Variants in C8orf34 observed in about 807,000 individuals in gnomAD.
C8orf34 encodes chromosome 8 open reading frame 34, also known as uncharacterized protein C8orf34.
Under a neutral mutation model 68.3 loss-of-function variants are expected in C8orf34, and 65 were observed. The observed-to-expected ratio is 0.95, with a 90% CI of 0.78 to 1.17. C8orf34 has a LOEUF of 1.17. C8orf34 is among the 50% of genes most tolerant of loss of function. C8orf34 has a pLI of 0.00. For missense variants in C8orf34, 664 were observed against 655.4 expected, an observed-to-expected ratio of 1.01 and a Z score of -0.14; for synonymous variants, 244 against 241.2, an observed-to-expected ratio of 1.01 and a Z score of -0.11.
chr8:68,473,919 C>G (rs1812487569), intron 4 of C8orf34, among the ~76,000 whole-genome samples: 1 of 152,170 alleles, frequency 6.6e-6, no homozygotes, highest in South Asian at 2.1e-4. Context: ...TGACTCCCTG[C>G]TCACCTCCTT....
intron 7 of C8orf34, among the ~76,000 whole-genome samples, chr8:68,616,149 T>G (rs562612278): frequency 6.6e-6 from 1 of 151,564 alleles, no homozygotes; most frequent in East Asian, 1.9e-4. Context: ...CCCTTTATTG[T>G]TTTTTATTGC....
chr8:68,461,454 T>C (rs987734191), intron 3 of C8orf34, among the ~76,000 whole-genome samples: 10 of 152,232 alleles, frequency 6.6e-5, no homozygotes, highest in Admixed American at 1.3e-4. Flanking sequence ...CACAAAGATA[T>C]TCCTCGAGAA....
At chr8:68,787,691 G>T in intron 12 of C8orf34, 155 bp downstream of exon 12, 3 of 492,788 alleles carry the variant, frequency 6.1e-6, no homozygotes, top group South Asian at 3.1e-5. Context: ...TATCCTTCAG[G>T]TCTATGTCTT....
chr8:68,621,564 G>T (rs1463059614), intron 7 of C8orf34, among the ~76,000 whole-genome samples: 4 of 152,142 alleles, frequency 2.6e-5, no homozygotes, highest in African/African-American at 9.6e-5. Context: ...TCATAAATTT[G>T]GCCAAATATT....
chr8:68,330,938 C>T (rs1971404), upstream of C8orf34: 489,742 of 1,168,590 alleles, frequency 0.42, 106,833 homozygotes, highest in Non-Finnish European at 0.44. Flanking sequence ...AAAGGAACCT[C>T]TGCCTCGAAT....
chr8:68,595,139 T>TAAAA (rs1223422860), intron 7 of C8orf34, among the ~76,000 whole-genome samples: 1 of 113,914 alleles, frequency 8.8e-6, no homozygotes, highest in Non-Finnish European at 2.0e-5. Context: ...AAAAAAAAAT[T>TAAAA]TTTTTTTTTA....
intron 7 of C8orf34, among the ~76,000 whole-genome samples, chr8:68,547,285 A>T (rs1815916129): frequency 6.6e-6 from 1 of 151,802 alleles, no homozygotes; most frequent in African/African-American, 2.4e-5. Context: ...CAACTTAGAT[A>T]TAAGGAAAAA....
At chr8:68,576,936 C>T (rs1019198967) in intron 7 of C8orf34, among the ~76,000 whole-genome samples, 1 of 151,746 alleles carries the variant, frequency 6.6e-6, no homozygotes, top group Non-Finnish European at 1.5e-5. Context: ...CAATTATTTC[C>T]AAAACATTTA....
rs773765275 is a variant in C8orf34 at position 68,407,661 on chromosome 8, G to A, written c.328-31838G>A. Among the ~76,000 whole-genome samples the A allele has an allele frequency of 8.6e-5, 13 of 152,024 alleles. No homozygotes were observed. In the South Asian group the frequency reaches 1.0e-3, roughly 12 times the overall value. On this transcript the variant is annotated intron_variant, in intron 1 of 13. Transcript: ENST00000518698. ...TATTACTTTTTATTTTCTCATCTGC[G>A]TTGGCAACTGAATTTATCTCACATC...
chr8:68,420,343 T>C lies in C8orf34; in HGVS notation c.328-19156T>C, dbSNP rs544498390. Among the ~76,000 whole-genome samples, 5 of 152,290 alleles carry C rather than the reference T, an allele frequency of 3.3e-5. No homozygotes were observed. The East Asian group carries it at 9.7e-4, about 29-fold the overall frequency. On this transcript the variant is annotated intron_variant, in intron 1 of 13. Transcript: ENST00000518698. ...TAATTCTCACAAAAGCTACATTCTA[T>C]ATTTGGGTCATCTGGAATTCCAGAA...
intron 9 of C8orf34, among the ~76,000 whole-genome samples, chr8:68,720,909 C>T (rs1381902218): frequency 6.6e-6 from 1 of 151,830 alleles, no homozygotes; most frequent in Non-Finnish European, 1.5e-5. Flanking sequence ...ATGCGCCCCT[C>T]TCTGAACTTT....
chr8:68,391,153 T>A (rs1312380818), intron 1 of C8orf34, among the ~76,000 whole-genome samples: 1 of 152,134 alleles, frequency 6.6e-6, no homozygotes, highest in Non-Finnish European at 1.5e-5. Context: ...ATAGCTGGTA[T>A]TTACTTACTC....
intron 7 of C8orf34, among the ~76,000 whole-genome samples, chr8:68,554,534 T>C (rs1329345960): frequency 1.3e-5 from 2 of 152,154 alleles, no homozygotes. Flanking sequence ...TCAGCTGCTA[T>C]TCATGGTCCT....
At chr8:68,790,299 G>A (rs1823958019) in intron 12 of C8orf34, among the ~76,000 whole-genome samples, 1 of 152,180 alleles carries the variant, frequency 6.6e-6, no homozygotes, top group African/African-American at 2.4e-5. Flanking sequence ...ATCTGATTTA[G>A]AATTTACAGG....
At chr8:68,691,624 A>C (rs143993917) in intron 8 of C8orf34, among the ~76,000 whole-genome samples, 367 of 152,150 alleles carry the variant, frequency 2.4e-3, no homozygotes, top group African/African-American at 8.4e-3. Flanking sequence ...AAATACATTG[A>C]TTTTAGTTAT....
intron 1 of C8orf34, among the ~76,000 whole-genome samples, chr8:68,366,579 T>A (rs1054744671): frequency 6.6e-5 from 10 of 151,588 alleles, no homozygotes; most frequent in Non-Finnish European, 1.2e-4. Context: ...AACAGAGCCC[T>A]CAGAAATAAC....
chr8:68,818,391 C>G lies in C8orf34; in HGVS notation c.*145C>G. ...CAATAATAAACAAGTACTATCGTAG[C>G]CAGGGGGTGCCCAAGTATGTAATCA... On this transcript the variant is annotated 3_prime_UTR_variant, in exon 14 of 14. Coordinates refer to ENST00000518698, the MANE Select transcript of C8orf34 (RefSeq NM_052958.4). The G allele has an allele frequency of 1.1e-6, 1 of 881,558 alleles. No individual in the cohort carries two copies. Among genetic ancestry groups the G allele is most frequent in the East Asian group, 2.7e-5 (1 of 37,430 alleles). 54.6% of individuals were successfully genotyped at this position (881,558 alleles called of 1,614,324 possible). A position where few individuals can be genotyped will look rare whatever the true frequency, so the allele number is the denominator to read the frequency against.
At chr8:68,524,447 C>G (rs2129714460) in intron 6 of C8orf34, among the ~76,000 whole-genome samples, 1 of 152,298 alleles carries the variant, frequency 6.6e-6, no homozygotes, top group Non-Finnish European at 1.5e-5. Context: ...TAAATGGAAA[C>G]TAGCAGACTA....
At chr8:68,526,800 A>G (rs1171505922) in intron 6 of C8orf34, among the ~76,000 whole-genome samples, 12 of 152,176 alleles carry the variant, frequency 7.9e-5, no homozygotes, top group Admixed American at 5.9e-4. Context: ...AACGCATGGA[A>G]TCAGATCAAA....
Sources: gnomAD v4.1 joint callset for allele counts (sites outside exome capture counted in the v4.1 genomes callset) on GRCh38, gnomAD v4.1.1 for gene constraint, MANE v1.5 for transcripts, NCBI Gene and HGNC (gene_info 2026-07-23, HGNC 2026-07-21) for gene names.